Variants in SCRN3 observed in about 807,000 individuals in gnomAD.
SCRN3 encodes secernin 3.
Under a neutral mutation model 43.1 loss-of-function variants are expected in SCRN3, and 39 were observed. That is an observed-to-expected ratio of 0.91 (90% CI 0.70 to 1.18). The LOEUF is 1.18. SCRN3 is among the 50% of genes most tolerant of loss of function. SCRN3 has a pLI of 0.00. For synonymous variants in SCRN3, 147 were observed against 163.1 expected (o/e 0.90, Z 0.75); for missense variants, 484 against 498.0 (o/e 0.97, Z 0.27).
At chr2:174,411,228 C>T (rs1357492919) in intron 5 of SCRN3, among the ~76,000 whole-genome samples, 2 of 152,084 alleles carry the variant, frequency 1.3e-5, no homozygotes, top group African/African-American at 4.8e-5. Flanking sequence ...AACCAGTAAA[C>T]CAGACAAGAT....
intron 6 of SCRN3, 41 bp downstream of exon 6, chr2:174,423,088 G>A: frequency 6.5e-7 from 1 of 1,544,002 alleles, no homozygotes; most frequent in South Asian, 1.2e-5. Context: ...GGGGTCAGGG[G>A]ATGGAGTAGA....
At chr2:174,399,324 T>C (rs1685426933) in intron 2 of SCRN3, among the ~76,000 whole-genome samples, 3 of 152,206 alleles carry the variant, frequency 2.0e-5, no homozygotes, top group Non-Finnish European at 2.9e-5. Flanking sequence ...TGTAAACCAG[T>C]GGTTCTCATT....
chr2:174,397,789 G>A (rs1189658335), intron 1 of SCRN3, among the ~76,000 whole-genome samples: 5 of 152,170 alleles, frequency 3.3e-5, no homozygotes, highest in Admixed American at 3.3e-4. Context: ...TCCCAAATAT[G>A]GAAATGGTGA....
intron 5 of SCRN3, among the ~76,000 whole-genome samples, chr2:174,406,137 G>A (rs1336341282): frequency 7.3e-6 from 1 of 137,570 alleles, no homozygotes; most frequent in African/African-American, 2.5e-5. Context: ...ATTTCTTTGA[G>A]CAGTGGTTTG....
chr2:174,414,839 C>T (rs377207295), intron 5 of SCRN3, among the ~76,000 whole-genome samples: 132 of 149,648 alleles, frequency 8.8e-4, no homozygotes, highest in African/African-American at 3.1e-3. Flanking sequence ...TCTCAGCTCA[C>T]TGCAACCTCT....
Position 174,401,130 on chromosome 2 carries a change from G to A in SCRN3, c.482G>A (p.Arg161Lys), listed in dbSNP as rs772684562. 1.2e-6 allele frequency: 2 copies of A among 1,613,884 alleles called. No homozygotes were observed. The highest frequency in any genetic ancestry group is 1.7e-6 in the Non-Finnish European group (2 of 1,179,930). ...CACAACAGTTTCCTGATAGCTGATAGGAATGAAGCCTGGATTCTGGAGACT... is the reference window on the plus strand; with the variant it reads ...CACAACAGTTTCCTGATAGCTGATAAGAATGAAGCCTGGATTCTGGAGACT... ...SYHNSFLIAD[R>K]NEAWILETAG... The change falls in exon 4 of 8, where the codon AGG (arginine) becomes AAG (lysine). Residue 161 changes from arginine to lysine, a missense_variant. Arg to Lys is a conservative substitution (Grantham distance 26). Coordinates refer to ENST00000272732, the MANE Select transcript of SCRN3 (RefSeq NM_024583.5).
intron 4 of SCRN3, among the ~76,000 whole-genome samples, chr2:174,403,112 T>C (rs1685563582): frequency 6.7e-6 from 1 of 149,070 alleles, no homozygotes; most frequent in African/African-American, 2.5e-5. Flanking sequence ...AGTTAGAAAA[T>C]AGGCAAAAGA....
Position 174,399,992 on chromosome 2 carries a change from G to A in SCRN3, c.230G>A (p.Trp77Ter), listed in dbSNP as rs932611381. ...GTCCTGAGTCGCCCAGCGTGGTTGT[G>A]GGGGGCAGAAATGGGAGCCAATGAG... ...AVVLSRPAWL[W>*]GAEMGANEHG... The change falls in exon 3 of 8, where the codon TGG becomes TAG. Residue 77 changes from tryptophan to a stop codon, truncating the protein, a stop_gained. Transcript: ENST00000272732. LOFTEE classifies it high-confidence loss of function. 5 of 1,596,482 alleles carry A rather than the reference G, an allele frequency of 3.1e-6. No homozygotes were observed. In the African/African-American group the frequency reaches 4.1e-5, roughly 13 times the overall value.
intron 5 of SCRN3, among the ~76,000 whole-genome samples, chr2:174,418,092 A>G (rs1028845433): frequency 6.6e-6 from 1 of 152,232 alleles, no homozygotes; most frequent in Non-Finnish European, 1.5e-5. Context: ...AGAAAGAAAG[A>G]AAAAAGAAAT....
chr2:174,404,263 G>A lies in SCRN3; in HGVS notation c.702G>A (p.Met234Ile), dbSNP rs753140581. 6.2e-7 allele frequency: 1 copy of A among 1,613,802 alleles called. No homozygotes were observed. The highest frequency in any genetic ancestry group is 1.1e-5 in the South Asian group (1 of 91,064). ...AYSYLDTAKM[M>I]TSSGRYCEGY... ...CCTATCTTGACACAGCCAAGATGATGACTTCATCAGGCAGATACTGTGAGG... is the reference window on the plus strand; with the variant it reads ...CCTATCTTGACACAGCCAAGATGATAACTTCATCAGGCAGATACTGTGAGG... Residue 234 changes from methionine to isoleucine, a missense_variant, in exon 5 of 8, where the codon ATG (methionine) becomes ATA (isoleucine). Physicochemically the swap from Met to Ile is conservative, Grantham distance 10. Transcript: ENST00000272732.
At chr2:174,398,882 T>C (rs1443469668) in intron 2 of SCRN3, among the ~76,000 whole-genome samples, 3 of 152,184 alleles carry the variant, frequency 2.0e-5, no homozygotes, top group African/African-American at 7.2e-5. Flanking sequence ...TAGCTGGAAT[T>C]TGATGGACAA....
chr2:174,424,703 C>T, intron 7 of SCRN3, 54 bp downstream of exon 7: 1 of 1,434,450 alleles, frequency 7.0e-7, no homozygotes, highest in Non-Finnish European at 9.5e-7. Context: ...TAGATTCAAT[C>T]CGTATTTTGA....
At chr2:174,399,071 C>A (rs924996384) in intron 2 of SCRN3, among the ~76,000 whole-genome samples, 1 of 152,078 alleles carries the variant, frequency 6.6e-6, no homozygotes, top group African/African-American at 2.4e-5. Flanking sequence ...ATTAAAGGAT[C>A]CTTTAAAAAC....
At position 174,398,288 on chromosome 2, in the gene SCRN3, A is replaced by T; in HGVS notation, c.5A>T (p.Glu2Val). Residue 2 changes from glutamate to valine, a missense_variant, in exon 2 of 8, where the codon GAA becomes GTA. Glu to Val is a moderately radical substitution (Grantham distance 121). Transcript: ENST00000272732. ...TATAATTTTTAGTTAAAAAAAATGG[A>T]ACCTTTTTCCTGTGACACTTTCGTG... M[E>V]PFSCDTFVAL... is the part of the protein sequence containing the mutation. 6.4e-7 allele frequency: 1 copy of T among 1,563,088 alleles called. No individual in the cohort carries two copies. Among genetic ancestry groups the T allele is most frequent in the Non-Finnish European group, 8.6e-7 (1 of 1,162,660 alleles).
rs369459885 is a variant in SCRN3 at position 174,398,411 on chromosome 2, T to C, written c.128T>C (p.Val43Ala). 9 of 1,600,904 alleles carry C rather than the reference T, an allele frequency of 5.6e-6. No individual in the cohort carries two copies. The highest frequency in any genetic ancestry group is 2.3e-5 in the East Asian group (1 of 44,396). Residue 43 changes from valine (V) to alanine (A), a missense_variant, in exon 2 of 8, where the codon GTA becomes GCA. Val to Ala is a moderately conservative substitution (Grantham distance 64, BLOSUM62 0). Coordinates refer to ENST00000272732, the MANE Select transcript of SCRN3 (RefSeq NM_024583.5). Reference sequence around the variant, plus strand: ...CAAGAGGTGGTTTATTTTCCTGCTGTAGTTCATGATAACCTGGGAGAACGT... The same window carrying C: ...CAAGAGGTGGTTTATTTTCCTGCTGCAGTTCATGATAACCTGGGAGAACGT... ...EVQEVVYFPA[V>A]VHDNLGERLK...
At chr2:174,399,860 AT>A in intron 2 of SCRN3, 61 bp from the exon 3 acceptor site, 1 of 1,196,268 alleles carries the variant, frequency 8.4e-7, no homozygotes, top group Non-Finnish European at 1.1e-6. Context: ...TAAATTCTGG[AT>A]TTTGATAACT....
chr2:174,395,775 C>G lies in SCRN3; in HGVS notation c.-52C>G. The G allele has an allele frequency of 6.4e-7, 1 of 1,571,524 alleles. No homozygotes were observed. The highest frequency in any genetic ancestry group is 1.2e-5 in the South Asian group (1 of 86,154). ...GCAACTGATGCCTCCACTGGCCACT[C>G]CTCCCTCCGTCCACCTGTCACTTCG... On this transcript the variant is annotated 5_prime_UTR_variant, in exon 1 of 8. Coordinates refer to ENST00000272732, the MANE Select transcript of SCRN3 (RefSeq NM_024583.5).
intron 5 of SCRN3, among the ~76,000 whole-genome samples, chr2:174,414,250 A>G (rs1236264774): frequency 2.0e-5 from 3 of 152,178 alleles, no homozygotes; most frequent in Non-Finnish European, 4.4e-5. Flanking sequence ...TATTTTACTT[A>G]TAAAAATTAA....
At chr2:174,423,712 G>A (rs190757243) in intron 6 of SCRN3, among the ~76,000 whole-genome samples, 42 of 148,826 alleles carry the variant, frequency 2.8e-4, no homozygotes, top group Admixed American at 2.3e-3. Flanking sequence ...TTTGTGATCC[G>A]CCCACCTCGG....
Sources: allele counts gnomAD v4.1 joint callset (sites outside exome capture counted in the v4.1 genomes callset), GRCh38; gene constraint gnomAD v4.1.1; transcripts MANE v1.5; gene names NCBI Gene and HGNC (gene_info 2026-07-23, HGNC 2026-07-21).